The following GFRA1 variants were observed in gnomAD, a reference collection of about 807,000 sequenced individuals.
GFRA1 encodes the protein GDNF family receptor alpha 1.
GFRA1 carries 16 observed loss-of-function variants against 51.6 expected under a neutral mutation model. That is an observed-to-expected ratio of 0.31 (90% confidence interval 0.21 to 0.47). The LOEUF is 0.47. GFRA1 is among the 20% of genes least tolerant of loss of function. The pLI is 1.00. For synonymous variants in GFRA1, 270 were observed against 241.3 expected (o/e 1.12, Z -1.10); for missense variants, 530 against 594.3 (o/e 0.89, Z 1.13).
intron 8 of GFRA1, among the ~76,000 whole-genome samples, chr10:116,091,249 T>G (rs1214285221): frequency 2.6e-5 from 4 of 152,238 alleles, no homozygotes; most frequent in Non-Finnish European, 5.9e-5. Flanking sequence ...GAATATCTAC[T>G]AAGTGCCAGG....
At chr10:116,124,251 C>A (rs1957763571) in intron 6 of GFRA1, among the ~76,000 whole-genome samples, 1 of 144,694 alleles carries the variant, frequency 6.9e-6, no homozygotes, top group Admixed American at 7.1e-5. Flanking sequence ...TTTTTTAAGA[C>A]AGATTTTCAC....
chr10:116,174,767 T>C (rs1173406472), intron 5 of GFRA1, among the ~76,000 whole-genome samples: 1 of 152,248 alleles, frequency 6.6e-6, no homozygotes, highest in Non-Finnish European at 1.5e-5. Context: ...GCACCAGTGC[T>C]AATATAAATT....
In GFRA1 at chr10:116,096,442, G is replaced by A. The variant is rs553916460; in HGVS notation, c.880+213C>T. Reference sequence around the variant, plus strand: ...CACTCCTTAGTAATCCCCGCTTCCTGCCTCTGCCTTTCACGCATCCATTAT... The same window carrying A: ...CACTCCTTAGTAATCCCCGCTTCCTACCTCTGCCTTTCACGCATCCATTAT... On this transcript the variant is annotated intron_variant, in intron 7 of 10. Coordinates refer to ENST00000355422, the MANE Select transcript of GFRA1 (RefSeq NM_005264.8). Among the ~76,000 whole-genome samples, 4 of 151,696 alleles carry A rather than the reference G, an allele frequency of 2.6e-5. No individual in the cohort carries two copies. The East Asian group carries it at 7.8e-4, about 29-fold the overall frequency.
intron 4 of GFRA1, among the ~76,000 whole-genome samples, chr10:116,259,062 A>T (rs755325058): frequency 6.6e-6 from 1 of 152,252 alleles, no homozygotes; most frequent in Non-Finnish European, 1.5e-5. Context: ...AACGCGTAGT[A>T]ACAGAAATTA....
intron 5 of GFRA1, among the ~76,000 whole-genome samples, chr10:116,193,808 A>G (rs997604314): frequency 6.6e-6 from 1 of 152,002 alleles, no homozygotes; most frequent in African/African-American, 2.4e-5. Context: ...CTGTAATCCC[A>G]GCACTTTGGG....
intron 9 of GFRA1, among the ~76,000 whole-genome samples, chr10:116,083,924 C>G (rs542639807): frequency 6.6e-6 from 1 of 152,188 alleles, no homozygotes; most frequent in African/African-American, 2.4e-5. Flanking sequence ...AAACATTAGG[C>G]TGCATCCTAC....
chr10:116,181,077 G>A lies in GFRA1; in HGVS notation c.433+30554C>T, dbSNP rs149751684. On this transcript the variant is annotated intron_variant, in intron 5 of 10. Coordinates refer to ENST00000355422, the MANE Select transcript of GFRA1 (RefSeq NM_005264.8). ...CGCTCTTGAGGTGGATGACAATAATGAGCTTAAATAAGCCTACTGGACTCC... is the reference window on the plus strand; with the variant it reads ...CGCTCTTGAGGTGGATGACAATAATAAGCTTAAATAAGCCTACTGGACTCC... 1.2e-4 allele frequency among the ~76,000 whole-genome samples: 18 copies of A among 152,288 alleles called. No homozygotes were observed. The East Asian group carries it at 3.3e-3, about 28-fold the overall frequency.
intron 4 of GFRA1, among the ~76,000 whole-genome samples, chr10:116,233,988 T>G (rs1966839039): frequency 6.6e-6 from 1 of 152,170 alleles, no homozygotes; most frequent in Admixed American, 6.5e-5. Context: ...TTGGATATGG[T>G]TCCTTTTTTC....
intron 4 of GFRA1, among the ~76,000 whole-genome samples, chr10:116,223,436 G>T (rs563775191): frequency 6.6e-6 from 1 of 152,306 alleles, no homozygotes; most frequent in African/African-American, 2.4e-5. Context: ...AGGCCTTTCT[G>T]CCAGAAGGTA....
At chr10:116,262,080 C>T (rs1174120283) in intron 4 of GFRA1, among the ~76,000 whole-genome samples, 1 of 152,138 alleles carries the variant, frequency 6.6e-6, no homozygotes, top group Non-Finnish European at 1.5e-5. Context: ...GAACAAGCTT[C>T]GACAGCAGAA....
chr10:116,144,534 T>C (rs1958711684), intron 5 of GFRA1, among the ~76,000 whole-genome samples: 1 of 152,076 alleles, frequency 6.6e-6, no homozygotes, highest in Non-Finnish European at 1.5e-5. Flanking sequence ...CAAGGAATGA[T>C]ATAGATATCA....
intron 5 of GFRA1, among the ~76,000 whole-genome samples, chr10:116,204,291 CTTAAT>C (rs778992794): frequency 3.9e-4 from 60 of 152,312 alleles, no homozygotes; most frequent in Non-Finnish European, 7.2e-4. Flanking sequence ...GGAGCTCATG[CTTAAT>C]TTAATATTTA....
intron 3 of GFRA1, among the ~76,000 whole-genome samples, chr10:116,270,250 G>A (rs1025023994): frequency 6.6e-6 from 1 of 152,176 alleles, no homozygotes; most frequent in African/African-American, 2.4e-5. Context: ...TGATAACCAA[G>A]GTTGAACCAC....
intron 5 of GFRA1, among the ~76,000 whole-genome samples, chr10:116,140,913 G>C (rs1044661405): frequency 1.3e-5 from 2 of 152,196 alleles, no homozygotes; most frequent in African/African-American, 4.8e-5. Context: ...TAGTGTGTCA[G>C]TAAATGCATA....
chr10:116,251,155 T>C (rs1968317447), intron 4 of GFRA1, among the ~76,000 whole-genome samples: 1 of 152,236 alleles, frequency 6.6e-6, no homozygotes, highest in Admixed American at 6.5e-5. Context: ...TTTTAATTCA[T>C]ATGCCTCCTG....
chr10:116,104,387 AGCTCTTGGCT>A (rs1244376950), intron 6 of GFRA1, among the ~76,000 whole-genome samples: 14 of 152,274 alleles, frequency 9.2e-5, no homozygotes, highest in African/African-American at 3.4e-4. Context: ...GCTCCTTGGC[AGCTCTTGGCT>A]GCGAGGGTTC....
intron 5 of GFRA1, among the ~76,000 whole-genome samples, chr10:116,142,985 C>T (rs1958634896): frequency 6.6e-6 from 1 of 152,300 alleles, no homozygotes; most frequent in East Asian, 1.9e-4. Context: ...CAGTAAAGCA[C>T]AGGTCCACTT....
chr10:116,087,853 T>C (rs959187601), intron 9 of GFRA1, among the ~76,000 whole-genome samples: 1 of 152,158 alleles, frequency 6.6e-6, no homozygotes, highest in Non-Finnish European at 1.5e-5. Flanking sequence ...GAACACATCA[T>C]TTCCCTGCTC....
chr10:116,068,603 G>T (rs999795473), intron 9 of GFRA1, among the ~76,000 whole-genome samples: 2 of 152,146 alleles, frequency 1.3e-5, no homozygotes, highest in Admixed American at 6.5e-5. Context: ...GAGTCCTGTA[G>T]GCAGTGTGAA....
Sources: allele counts gnomAD v4.1 joint callset (sites outside exome capture counted in the v4.1 genomes callset), GRCh38; gene constraint gnomAD v4.1.1; transcripts MANE v1.5; gene names NCBI Gene and HGNC (gene_info 2026-07-23, HGNC 2026-07-21).